TMCC1: variants seen among roughly 807,000 people sequenced by gnomAD.
TMCC1 encodes the protein transmembrane and coiled-coil domain family 1, also known as transmembrane and coiled-coil domains protein 1.
Under a neutral mutation model 52.4 loss-of-function variants are expected in TMCC1, and 15 were observed. The ratio of observed to expected loss-of-function variants is 0.29; its 90% CI spans 0.19 to 0.44. TMCC1 has a LOEUF of 0.44. Ranked by LOEUF, TMCC1 falls within the 20% of genes least tolerant of loss-of-function variation. TMCC1 has a pLI of 1.00. For synonymous variants in TMCC1, 279 were observed against 301.9 expected, an observed-to-expected ratio of 0.92 and a Z score of 0.79; for missense variants, 503 against 806.0, an observed-to-expected ratio of 0.62 and a Z score of 4.55.
intron 4 of TMCC1, among the ~76,000 whole-genome samples, chr3:129,697,461 G>A (rs1190348175): frequency 6.6e-6 from 1 of 152,158 alleles, no homozygotes; most frequent in Non-Finnish European, 1.5e-5. Context: ...AGACCTCTAG[G>A]CCTGTGATGG....
intron 4 of TMCC1, among the ~76,000 whole-genome samples, chr3:129,743,466 C>G (rs2107639770): frequency 6.6e-6 from 1 of 152,256 alleles, no homozygotes; most frequent in Admixed American, 6.5e-5. Context: ...TATGGTAAAT[C>G]TGTGGAATTA....
intron 4 of TMCC1, among the ~76,000 whole-genome samples, chr3:129,814,575 G>A (rs969511775): frequency 2.6e-5 from 4 of 152,034 alleles, no homozygotes; most frequent in Admixed American, 2.6e-4. Flanking sequence ...AATGTAAATG[G>A]ACTCAATTCT....
chr3:129,750,998 G>A (rs1261968583), intron 4 of TMCC1, among the ~76,000 whole-genome samples: 4 of 151,814 alleles, frequency 2.6e-5, no homozygotes, highest in South Asian at 2.1e-4. Context: ...CCAAGAGTTC[G>A]AGACCAGTGT....
At chr3:129,781,019 T>C (rs2055479472) in intron 4 of TMCC1, among the ~76,000 whole-genome samples, 2 of 152,198 alleles carry the variant, frequency 1.3e-5, no homozygotes, top group Non-Finnish European at 1.5e-5. Flanking sequence ...CCATCACAGA[T>C]ACAGATACAG....
intron 4 of TMCC1, among the ~76,000 whole-genome samples, chr3:129,769,072 G>C (rs530866035): frequency 2.0e-5 from 3 of 152,240 alleles, no homozygotes; most frequent in Non-Finnish European, 2.9e-5. Flanking sequence ...GGGAGTAACA[G>C]GAACTTTATA....
chr3:129,833,642 C>T lies in TMCC1; in HGVS notation c.-183-816G>A, dbSNP rs372632695. 7.2e-5 allele frequency among the ~76,000 whole-genome samples: 11 copies of T among 152,224 alleles called. No homozygotes were observed. In the East Asian group the frequency reaches 9.6e-4, roughly 13 times the overall value. On this transcript the variant is annotated intron_variant, in intron 2 of 6. Coordinates refer to ENST00000393238, the MANE Select transcript of TMCC1 (RefSeq NM_001017395.5). Reference sequence around the variant, plus strand: ...GTGGAGTGACTCACACCTGTAATCCCAGCACTTTGGGAGGCCAAGGCAAGA... The same window carrying T: ...GTGGAGTGACTCACACCTGTAATCCTAGCACTTTGGGAGGCCAAGGCAAGA...
intron 4 of TMCC1, among the ~76,000 whole-genome samples, chr3:129,726,071 A>T (rs2050057315): frequency 6.6e-6 from 1 of 152,232 alleles, no homozygotes; most frequent in Non-Finnish European, 1.5e-5. Flanking sequence ...ACCTGTATGT[A>T]CAGGTACAGA....
intron 4 of TMCC1, among the ~76,000 whole-genome samples, chr3:129,754,760 C>T (rs1347386036): frequency 6.6e-6 from 1 of 151,994 alleles, no homozygotes; most frequent in Non-Finnish European, 1.5e-5. Context: ...ACATTAAATG[C>T]AACATTATAA....
chr3:129,802,028 T>G (rs2057227876), intron 4 of TMCC1, among the ~76,000 whole-genome samples: 1 of 152,252 alleles, frequency 6.6e-6, no homozygotes. Context: ...TTATACTTTA[T>G]GTATCTCAAC....
At chr3:129,741,904 C>A (rs751841366) in intron 4 of TMCC1, among the ~76,000 whole-genome samples, 2 of 152,136 alleles carry the variant, frequency 1.3e-5, no homozygotes, top group Non-Finnish European at 2.9e-5. Context: ...AATATCTTAT[C>A]TTAATCTCAT....
At chr3:129,812,776 A>G (rs1576947728) in intron 4 of TMCC1, among the ~76,000 whole-genome samples, 1 of 152,180 alleles carries the variant, frequency 6.6e-6, no homozygotes, top group Non-Finnish European at 1.5e-5. Flanking sequence ...AAGACTTCAT[A>G]ACAAAGATGC....
rs1192733911 is a variant in TMCC1, at chr3:129,822,609, GTTCTTCAATTCTCTGGCA to G, written c.576+5176_576+5193del. On this transcript the variant is annotated intron_variant, in intron 4 of 6. Transcript: ENST00000393238. Reference sequence around the variant, plus strand: ...TTATTTCCTGCTTGAAAGAACTGGTGTTCTTCAATTCTCTGGCATTCTTCAATTCTCTGGCATGCTCAA... The same window carrying G: ...TTATTTCCTGCTTGAAAGAACTGGTGTTCTTCAATTCTCTGGCATGCTCAA... Among the ~76,000 whole-genome samples the G allele has an allele frequency of 6.6e-5, 10 of 152,228 alleles. No homozygotes were observed. In the South Asian group the frequency reaches 1.5e-3, roughly 22 times the overall value.
At chr3:129,653,133 C>T (rs1204951346) in intron 6 of TMCC1, among the ~76,000 whole-genome samples, 1 of 152,054 alleles carries the variant, frequency 6.6e-6, no homozygotes, top group Non-Finnish European at 1.5e-5. Flanking sequence ...CAGAATCTAC[C>T]TCATTTTTTT....
intron 2 of TMCC1, among the ~76,000 whole-genome samples, chr3:129,859,685 C>T (rs2060301103): frequency 7.7e-6 from 1 of 129,536 alleles, no homozygotes; most frequent in South Asian, 2.6e-4. Flanking sequence ...CACACACACA[C>T]ATACACACGT....
At chr3:129,724,542 T>C (rs1051102023) in intron 4 of TMCC1, among the ~76,000 whole-genome samples, 2 of 152,206 alleles carry the variant, frequency 1.3e-5, no homozygotes, top group African/African-American at 4.8e-5. Flanking sequence ...TTTTTGGTAA[T>C]GGATATATGC....
intron 6 of TMCC1, among the ~76,000 whole-genome samples, chr3:129,653,528 C>T (rs1035737947): frequency 2.0e-5 from 3 of 152,216 alleles, no homozygotes; most frequent in Admixed American, 1.3e-4. Context: ...ACTGCCAGCT[C>T]CACCTCCCAG....
intron 4 of TMCC1, among the ~76,000 whole-genome samples, chr3:129,771,662 C>T (rs182371861): frequency 2.9e-4 from 44 of 150,044 alleles, no homozygotes; most frequent in Middle Eastern, 3.5e-3. Flanking sequence ...GTGGTCCCAG[C>T]TACTAGAGAG....
At chr3:129,722,940 G>GA (rs2049742131) in intron 4 of TMCC1, among the ~76,000 whole-genome samples, 1 of 152,142 alleles carries the variant, frequency 6.6e-6, no homozygotes, top group Admixed American at 6.5e-5. Context: ...ACTTCACAGT[G>GA]AAAAATCTGT....
chr3:129,837,751 T>G (rs916719185), intron 2 of TMCC1, among the ~76,000 whole-genome samples: 5 of 151,916 alleles, frequency 3.3e-5, no homozygotes, highest in African/African-American at 1.2e-4. Flanking sequence ...ATTAATACAG[T>G]AAAAACTCTA....
Sources: allele counts gnomAD v4.1 joint callset (sites outside exome capture counted in the v4.1 genomes callset), GRCh38; gene constraint gnomAD v4.1.1; transcripts MANE v1.5; gene names NCBI Gene and HGNC (gene_info 2026-07-23, HGNC 2026-07-21).